Variants in PRKAR1A observed in about 807,000 individuals in gnomAD.
The protein encoded by PRKAR1A is cAMP-dependent protein kinase type I-alpha regulatory subunit.
A neutral mutation model predicts 52.0 loss-of-function variants in PRKAR1A; 3 were observed. The ratio of observed to expected loss-of-function variants is 0.06; its 90% CI spans 0.03 to 0.15. The LOEUF (loss-of-function observed/expected upper bound fraction) is 0.15. PRKAR1A is among the 10% of genes least tolerant of loss of function. The pLI, the probability that PRKAR1A is intolerant of heterozygous loss-of-function variation, is 1.00. For missense variants in PRKAR1A, 240 were observed against 477.4 expected, an observed-to-expected ratio of 0.50 and a Z score of 4.63; for synonymous variants, 188 against 168.4, an observed-to-expected ratio of 1.12 and a Z score of -0.90.
At chr17:68,450,257 G>A in the PRKAR1A span, among the ~76,000 whole-genome samples, 1 of 152,228 alleles carries the variant, frequency 6.6e-6, no homozygotes, top group African/African-American at 2.4e-5. Context: ...CTGAGGACGT[G>A]GTGGGAGAAG....
chr17:68,457,265 G>T, the PRKAR1A span: 1 of 1,497,392 alleles, frequency 6.7e-7, no homozygotes, highest in South Asian at 1.2e-5. Flanking sequence ...GAAGCCACAA[G>T]CTGCTCTCAG....
the PRKAR1A span, among the ~76,000 whole-genome samples, chr17:68,469,905 C>A: frequency 6.6e-6 from 1 of 151,990 alleles, no homozygotes; most frequent in East Asian, 1.9e-4. Context: ...ACAGGGAGAA[C>A]AGAGGCATCG....
the PRKAR1A span, among the ~76,000 whole-genome samples, chr17:68,434,033 G>A: frequency 3.3e-5 from 5 of 151,982 alleles, no homozygotes; most frequent in Non-Finnish European, 7.4e-5. Flanking sequence ...GCCTCCCAGA[G>A]TGCTGGGATT....
At chr17:68,515,901 TAAG>T in intron 2 of PRKAR1A, 1 of 266,294 alleles carries the variant, frequency 3.8e-6, no homozygotes, top group East Asian at 9.6e-5. Flanking sequence ...GTTCTATGAA[TAAG>T]AAATTCTATA....
At chr17:68,431,442 TG>T in the PRKAR1A span, among the ~76,000 whole-genome samples, 1 of 151,778 alleles carries the variant, frequency 6.6e-6, no homozygotes, top group East Asian at 1.9e-4. Flanking sequence ...GAGGAGGTTC[TG>T]GGGGTGGTGG....
At chr17:68,537,080 T>C (rs1172008197), downstream of PRKAR1A, 9 of 461,004 alleles carry the variant, frequency 2.0e-5, no homozygotes, top group East Asian at 5.5e-4. This position sits in a 1 kb window ranked among gnomAD's most constrained non-coding sequence, Gnocchi z 4.2. Context: ...CCAGGAGTTA[T>C]CTTTGACTTG....
the PRKAR1A span, chr17:68,451,045 A>T: frequency 1.7e-6 from 2 of 1,158,528 alleles, no homozygotes; most frequent in African/African-American, 3.2e-5. Context: ...TTGCATTGAC[A>T]GTGATCCACC....
the PRKAR1A span, among the ~76,000 whole-genome samples, chr17:68,473,082 G>C: frequency 6.6e-6 from 1 of 152,102 alleles, no homozygotes. Flanking sequence ...TGATATAATT[G>C]AAAGTGATAT....
At chr17:68,419,230 A>G in the PRKAR1A span, among the ~76,000 whole-genome samples, 1 of 152,194 alleles carries the variant, frequency 6.6e-6, no homozygotes, top group Non-Finnish European at 1.5e-5. Context: ...AAAAAATCAA[A>G]TTTACTCCTA....
At chr17:68,474,260 C>T in the PRKAR1A span, among the ~76,000 whole-genome samples, 1 of 152,188 alleles carries the variant, frequency 6.6e-6, no homozygotes, top group African/African-American at 2.4e-5. Context: ...ATCAACTCTG[C>T]TTTTCCCTGG....
At chr17:68,436,803 C>T in the PRKAR1A span, among the ~76,000 whole-genome samples, 8 of 151,968 alleles carry the variant, frequency 5.3e-5, no homozygotes, top group African/African-American at 1.9e-4. Context: ...TCCAGACAAG[C>T]CTGGCCAACA....
At chr17:68,493,018 G>T in the PRKAR1A span, among the ~76,000 whole-genome samples, 4 of 151,596 alleles carry the variant, frequency 2.6e-5, 1 homozygote, top group South Asian at 8.3e-4. Context: ...ATTCCTTTGG[G>T]TATATACCCA....
At chr17:68,496,607 G>C in the PRKAR1A span, among the ~76,000 whole-genome samples, 1 of 152,084 alleles carries the variant, frequency 6.6e-6, no homozygotes, top group Non-Finnish European at 1.5e-5. Flanking sequence ...TCTTGCAGGG[G>C]TCATCATTTG....
chr17:68,426,254 G>GGGGGGGGGGCCCCCCCCCCC, the PRKAR1A span: 1 of 816,920 alleles, frequency 1.2e-6, no homozygotes, highest in Admixed American at 2.3e-5. Context: ...GGGAGCGGGG[G>GGGGGGGGGGCCCCCCCCCCC]CTCAAATAAA....
chr17:68,474,882 AAAAT>A, the PRKAR1A span, among the ~76,000 whole-genome samples: 2 of 152,218 alleles, frequency 1.3e-5, no homozygotes, highest in South Asian at 4.1e-4. Flanking sequence ...CTATCTCAAA[AAAAT>A]AAATAAAGAT....
chr17:68,440,423 T>C, the PRKAR1A span, among the ~76,000 whole-genome samples: 1 of 152,222 alleles, frequency 6.6e-6, no homozygotes, highest in Non-Finnish European at 1.5e-5. Context: ...TAAGGAAGGA[T>C]ATGGGCTTTA....
chr17:68,528,017 C>T (rs1283347136), intron 8 of PRKAR1A, 117 bp downstream of exon 8: 3 of 896,298 alleles, frequency 3.3e-6, no homozygotes, highest in African/African-American at 3.3e-5. Flanking sequence ...CCTGAAAAGA[C>T]AGAAGGGCTG....
At chr17:68,443,924 T>G in the PRKAR1A span, among the ~76,000 whole-genome samples, 1 of 152,260 alleles carries the variant, frequency 6.6e-6, no homozygotes, top group Non-Finnish European at 1.5e-5. Flanking sequence ...TATTTCAATA[T>G]AACAAATCCA....
the PRKAR1A span, among the ~76,000 whole-genome samples, chr17:68,454,914 GTGAT>G: frequency 5.3e-4 from 80 of 151,616 alleles, no homozygotes; most frequent in African/African-American, 1.9e-3. Flanking sequence ...GATGTTTTAC[GTGAT>G]TGATCAATGG....
Sources: gnomAD v4.1 joint callset for allele counts (sites outside exome capture counted in the v4.1 genomes callset) on GRCh38, gnomAD v4.1.1 for gene constraint, Gnocchi (gnomAD v3.1) non-coding constraint, MANE v1.5 for transcripts, NCBI Gene and HGNC (gene_info 2026-07-23, HGNC 2026-07-21) for gene names.